Variants in RIOK3 observed in about 807,000 individuals in gnomAD.
RIOK3 encodes the protein RIO kinase 3, also known as serine/threonine-protein kinase RIO3.
In RIOK3, 40 loss-of-function variants were observed where a neutral mutation model predicts 63.5. The observed-to-expected ratio is 0.63, with a 90% confidence interval of 0.49 to 0.82. The LOEUF (loss-of-function observed/expected upper bound fraction) is 0.82, where lower values mean the gene tolerates loss of function less well. Among genes scored for constraint, RIOK3 ranks in the 40% least tolerant of loss-of-function variants. RIOK3 has a pLI of 0.00. For missense variants in RIOK3, 557 were observed against 637.0 expected (o/e 0.87, Z 1.35); for synonymous variants, 193 against 205.0 (o/e 0.94, Z 0.50).
intron 7 of RIOK3, among the ~76,000 whole-genome samples, chr18:23,470,690 A>G (rs1327927037): frequency 6.6e-6 from 1 of 152,208 alleles, no homozygotes; most frequent in Non-Finnish European, 1.5e-5. Context: ...GCTTAGAGGT[A>G]GTAGGTAGTA....
chr18:23,480,563 A>ACACACACACACG, intron 12 of RIOK3, among the ~76,000 whole-genome samples: 1 of 133,198 alleles, frequency 7.5e-6, no homozygotes, highest in Non-Finnish European at 1.7e-5. Context: ...ACGCACACAC[A>ACACACACACACG]CACACACACA....
intron 7 of RIOK3, among the ~76,000 whole-genome samples, chr18:23,469,638 C>A (rs573928308): frequency 6.6e-6 from 1 of 151,680 alleles, no homozygotes; most frequent in African/African-American, 2.4e-5. Flanking sequence ...CAGGTACACA[C>A]TACCATGCCC....
intron 7 of RIOK3, among the ~76,000 whole-genome samples, chr18:23,472,847 G>C (rs1226400197): frequency 2.6e-5 from 4 of 152,118 alleles, no homozygotes; most frequent in African/African-American, 9.7e-5. Flanking sequence ...TCCTGCCTCT[G>C]CTTTTGTTCA....
chr18:23,456,305 A>G (rs552861326), intron 1 of RIOK3: 1 of 152,348 alleles, frequency 6.6e-6, no homozygotes, highest in South Asian at 2.1e-4. Context: ...TGATTATATC[A>G]ATTGATATTT....
chr18:23,466,071 T>G, intron 5 of RIOK3, 62 bp from the exon 6 acceptor site: 2 of 1,332,112 alleles, frequency 1.5e-6, no homozygotes, highest in African/African-American at 3.0e-5. Flanking sequence ...TGGTTGTTTT[T>G]GTTTTTGTTT....
chr18:23,471,961 G>T (rs1327162856), intron 7 of RIOK3, among the ~76,000 whole-genome samples: 1 of 152,068 alleles, frequency 6.6e-6, no homozygotes, highest in East Asian at 1.9e-4. Flanking sequence ...GGCCAGGCGC[G>T]GTGGCTCACG....
chr18:23,472,823 C>T (rs537137766), intron 7 of RIOK3, among the ~76,000 whole-genome samples: 21 of 152,316 alleles, frequency 1.4e-4, no homozygotes, highest in African/African-American at 4.1e-4. Context: ...GTTCCTCAGA[C>T]ATGTCCTGTG....
At chr18:23,474,262 G>A (rs972449853) in intron 8 of RIOK3, among the ~76,000 whole-genome samples, 1 of 152,058 alleles carries the variant, frequency 6.6e-6, no homozygotes, top group Non-Finnish European at 1.5e-5. Context: ...CAGGCATGGT[G>A]TGCACGTGTA....
chr18:23,464,050 A>G lies in RIOK3; in HGVS notation c.263A>G (p.Tyr88Cys). The change falls in exon 3 of 13, where the codon TAT becomes TGT. Residue 88 changes from tyrosine (Y) to cysteine (C), a missense_variant. This residue lies in a region of RIOK3 where 243 missense variants were observed against 275.4 expected (regional missense o/e 0.88). Coordinates refer to ENST00000339486, the MANE Select transcript of RIOK3 (RefSeq NM_003831.5). ...LMLAQMLQME[Y>C]DREYDAQLRR... ...CTGGCTCAGATGCTACAGATGGAATATGACAGAGAATATGATGCACAGCTT... is the reference window on the plus strand; with the variant it reads ...CTGGCTCAGATGCTACAGATGGAATGTGACAGAGAATATGATGCACAGCTT... 1 of 1,613,648 alleles carries G rather than the reference A, an allele frequency of 6.2e-7. No homozygotes were observed. The highest frequency in any genetic ancestry group is 1.1e-5 in the South Asian group (1 of 91,000).
At position 23,464,270 on chromosome 18, in the gene RIOK3, T is replaced by C. The variant is rs552485777; in HGVS notation, c.390T>C (p.Asp130=). 1.9e-6 allele frequency: 3 copies of C among 1,614,082 alleles called. No homozygotes were observed. The highest frequency in any genetic ancestry group is 1.7e-6 in the Non-Finnish European group (2 of 1,180,024). Residue 130 remains aspartate, a synonymous_variant, in exon 4 of 13, where the codon GAT becomes GAC. Coordinates refer to ENST00000339486, the MANE Select transcript of RIOK3 (RefSeq NM_003831.5). The stretch of plus-strand genomic sequence containing the variant: ...ATGAAGACAGCGATAGCTCTGAAGA[T>C]GAGGTTGACTGGCAGGATACTCGTG... The part of the protein sequence containing the change: ...HPYEDSDSSE[D]EVDWQDTRDD...
chr18:23,461,485 G>A (rs1196405119), intron 1 of RIOK3, among the ~76,000 whole-genome samples: 7 of 152,210 alleles, frequency 4.6e-5, no homozygotes, highest in East Asian at 1.9e-4. Flanking sequence ...GTAACCCAGC[G>A]AATGGGATAC....
chr18:23,478,866 G>C (rs1333635699), intron 11 of RIOK3: 3 of 153,722 alleles, frequency 2.0e-5, no homozygotes, highest in Non-Finnish European at 4.4e-5. Flanking sequence ...AATGCCAAGT[G>C]GTTTTATTTA....
chr18:23,477,127 T>C, intron 10 of RIOK3, 41 bp downstream of exon 10: 1 of 1,610,382 alleles, frequency 6.2e-7, no homozygotes. Context: ...TTAATTACTG[T>C]AAGTAAAATT....
chr18:23,454,467 A>C (rs970642952), intron 1 of RIOK3, among the ~76,000 whole-genome samples: 1 of 152,252 alleles, frequency 6.6e-6, no homozygotes, highest in Admixed American at 6.5e-5. Context: ...AAATGTGGTT[A>C]AGTCTGCATG....
chr18:23,458,124 C>G (rs982324950), intron 1 of RIOK3, among the ~76,000 whole-genome samples: 1 of 149,074 alleles, frequency 6.7e-6, no homozygotes, highest in African/African-American at 2.5e-5. Flanking sequence ...AGGCTGGTGT[C>G]GAACTCCTGA....
chr18:23,464,798 TA>T (rs2057395504), intron 5 of RIOK3, among the ~76,000 whole-genome samples, 170 bp downstream of exon 5: 2 of 152,310 alleles, frequency 1.3e-5, no homozygotes, highest in South Asian at 2.1e-4. Flanking sequence ...AATGAAAATA[TA>T]AAGTACCTCA....
intron 9 of RIOK3, among the ~76,000 whole-genome samples, chr18:23,475,462 C>CA (rs60717269): frequency 0.33 from 32,946 of 99,112 alleles, 5,261 homozygotes; most frequent in Non-Finnish European, 0.41. Context: ...GACTCTGTCT[C>CA]AAAAAAAAAA....
intron 1 of RIOK3, among the ~76,000 whole-genome samples, chr18:23,462,005 G>A (rs561239530): frequency 3.3e-5 from 5 of 150,214 alleles, no homozygotes; most frequent in African/African-American, 9.8e-5. Flanking sequence ...CAGGAGAATC[G>A]CTTGAACCCG....
chr18:23,467,490 G>A lies in RIOK3; in HGVS notation c.779G>A (p.Gly260Glu). 6.2e-7 allele frequency: 1 copy of A among 1,613,604 alleles called. No homozygotes were observed. The highest frequency in any genetic ancestry group is 1.1e-5 in the South Asian group (1 of 91,044). Residue 260 changes from glycine to glutamate, a missense_variant, in exon 7 of 13, where the codon GGA becomes GAA. Physicochemically the swap from Gly to Glu is moderately conservative, Grantham distance 98. Coordinates refer to ENST00000339486, the MANE Select transcript of RIOK3 (RefSeq NM_003831.5). The stretch of plus-strand genomic sequence containing the variant: ...ACAATCACTGGCTGTATTAGTACAG[G>A]AAAGGAGTCTGTTGTCTTTCATGCA... The part of the protein sequence containing the change: ...LETITGCIST[G>E]KESVVFHAYG...
Sources: allele counts gnomAD v4.1 joint callset (sites outside exome capture counted in the v4.1 genomes callset), GRCh38; gene constraint gnomAD v4.1.1; regional missense constraint gnomAD v4.1.1; transcripts MANE v1.5; gene names NCBI Gene and HGNC (gene_info 2026-07-23, HGNC 2026-07-21).